SLC35F4: variants seen among roughly 807,000 people sequenced by gnomAD.
SLC35F4 encodes the protein chromosome 14 open reading frame 36.
In SLC35F4, 24 loss-of-function variants were observed where a neutral mutation model predicts 44.2. The observed-to-expected ratio is 0.54, with a 90% CI of 0.39 to 0.76. The LOEUF (loss-of-function observed/expected upper bound fraction) is 0.76, where lower values mean the gene tolerates loss of function less well. Among genes scored for constraint, SLC35F4 ranks in the 30% least tolerant of loss-of-function variants. The pLI is 0.00. For synonymous variants in SLC35F4, 238 were observed against 223.6 expected (o/e 1.06, Z -0.57); for missense variants, 562 against 586.1 (o/e 0.96, Z 0.42).
chr14:57,842,461 C>T (rs370284177), intron 1 of SLC35F4, among the ~76,000 whole-genome samples: 1 of 152,236 alleles, frequency 6.6e-6, no homozygotes, highest in Non-Finnish European at 1.5e-5. Context: ...AATGATGGGA[C>T]GCCTTGCTCT....
intron 1 of SLC35F4, among the ~76,000 whole-genome samples, chr14:57,651,170 A>G (rs2073769979): frequency 6.6e-6 from 1 of 152,194 alleles, no homozygotes. Flanking sequence ...GTTCACTACT[A>G]GATTGGGACC....
intron 1 of SLC35F4, among the ~76,000 whole-genome samples, chr14:57,739,443 C>T (rs1274941458): frequency 6.6e-6 from 1 of 152,186 alleles, no homozygotes; most frequent in East Asian, 1.9e-4. Flanking sequence ...ATTACTTGTT[C>T]TTAACTACAG....
At chr14:57,816,583 A>G (rs1279679759) in intron 1 of SLC35F4, among the ~76,000 whole-genome samples, 2 of 152,252 alleles carry the variant, frequency 1.3e-5, no homozygotes. Context: ...TAGTAACAAC[A>G]AAAGGTACAA....
intron 1 of SLC35F4, among the ~76,000 whole-genome samples, chr14:57,659,668 T>C (rs1333118250): frequency 6.6e-6 from 1 of 152,190 alleles, no homozygotes; most frequent in Non-Finnish European, 1.5e-5. Flanking sequence ...CCCATGTTTT[T>C]AATTACTACC....
intron 3 of SLC35F4, among the ~76,000 whole-genome samples, chr14:57,586,526 G>C (rs1187547052): frequency 6.6e-6 from 1 of 151,642 alleles, no homozygotes; most frequent in Non-Finnish European, 1.5e-5. Flanking sequence ...GACCATCCTG[G>C]CTAACACAGT....
chr14:57,908,219 A>T (rs1243461193), intron 1 of SLC35F4, among the ~76,000 whole-genome samples: 1 of 152,100 alleles, frequency 6.6e-6, no homozygotes, highest in African/African-American at 2.4e-5. Flanking sequence ...TGATTCCATG[A>T]CTTTTCTATT....
chr14:57,631,406 T>C (rs2072764997), intron 1 of SLC35F4, among the ~76,000 whole-genome samples: 1 of 152,106 alleles, frequency 6.6e-6, no homozygotes, highest in African/African-American at 2.4e-5. Context: ...ATATAGTTAT[T>C]ATAAAGTTTA....
rs994164225 is a variant in SLC35F4, at chr14:57,750,729, G to A, written c.103+114994C>T. Among the ~76,000 whole-genome samples, 5 of 146,744 alleles carry A rather than the reference G, an allele frequency of 3.4e-5. No individual in the cohort carries two copies. The East Asian group carries it at 1.0e-3, about 29-fold the overall frequency. ...GGCCTGCTTTTTAATGGAATTATTTGGGTTTGTTGTTGTTGTTGTTGTTGC... is the reference window on the plus strand; with the variant it reads ...GGCCTGCTTTTTAATGGAATTATTTAGGTTTGTTGTTGTTGTTGTTGTTGC... On this transcript the variant is annotated intron_variant, in intron 1 of 7. Coordinates refer to ENST00000556826, the MANE Select transcript of SLC35F4 (RefSeq NM_001306087.2).
chr14:57,898,380 G>T (rs1043242818), intron 1 of SLC35F4, among the ~76,000 whole-genome samples: 1 of 152,286 alleles, frequency 6.6e-6, no homozygotes, highest in East Asian at 1.9e-4. Context: ...GACATACAAC[G>T]ATTTTCTGTC....
At chr14:57,915,872 T>C (rs1889318649) in intron 1 of SLC35F4, among the ~76,000 whole-genome samples, 1 of 152,228 alleles carries the variant, frequency 6.6e-6, no homozygotes, top group African/African-American at 2.4e-5. Flanking sequence ...GATCTGTTCA[T>C]GGCAATACAG....
At chr14:57,571,783 T>A (rs1355103211) in intron 5 of SLC35F4, 111 bp downstream of exon 5, 1 of 1,392,276 alleles carries the variant, frequency 7.2e-7, no homozygotes, top group Admixed American at 2.9e-5. Context: ...TACTATTATT[T>A]CAACACATCT....
chr14:57,572,846 A>C (rs2068584254), intron 4 of SLC35F4, among the ~76,000 whole-genome samples: 1 of 152,224 alleles, frequency 6.6e-6, no homozygotes, highest in Non-Finnish European at 1.5e-5. Context: ...ATCTTGAACT[A>C]GTTCTACTGG....
chr14:57,573,962 T>C (rs1213503795), intron 4 of SLC35F4, among the ~76,000 whole-genome samples: 2 of 152,234 alleles, frequency 1.3e-5, no homozygotes, highest in Non-Finnish European at 2.9e-5. Context: ...TGTGCTATTT[T>C]ATATTTTAAA....
intron 1 of SLC35F4, among the ~76,000 whole-genome samples, chr14:57,848,564 C>A (rs7144436): frequency 0.3 from 45,188 of 151,994 alleles, 8,780 homozygotes; most frequent in East Asian, 0.71. Flanking sequence ...GTAGAGTCAT[C>A]ATAGACAAGC....
intron 1 of SLC35F4, among the ~76,000 whole-genome samples, chr14:57,635,341 G>A (rs2072974143): frequency 1.3e-5 from 2 of 152,018 alleles, no homozygotes; most frequent in African/African-American, 2.4e-5. Context: ...CTGCGAGAGA[G>A]AGGAGTACTC....
intron 1 of SLC35F4, among the ~76,000 whole-genome samples, chr14:57,861,314 C>T (rs1375976359): frequency 6.6e-6 from 1 of 152,180 alleles, no homozygotes; most frequent in Non-Finnish European, 1.5e-5. Flanking sequence ...CCCCACACAC[C>T]TTACCCTATA....
At chr14:57,648,707 CG>C (rs899817297) in intron 1 of SLC35F4, among the ~76,000 whole-genome samples, 7 of 152,080 alleles carry the variant, frequency 4.6e-5, no homozygotes. Flanking sequence ...GTGTACAAAG[CG>C]TATTTGTTTC....
chr14:57,798,653 T>C (rs2078112109), intron 1 of SLC35F4, among the ~76,000 whole-genome samples: 1 of 152,210 alleles, frequency 6.6e-6, no homozygotes, highest in African/African-American at 2.4e-5. Flanking sequence ...GCATTTCTCC[T>C]AGGATCCAGA....
intron 4 of SLC35F4, among the ~76,000 whole-genome samples, chr14:57,574,568 G>A (rs1373715304): frequency 6.6e-6 from 1 of 151,960 alleles, no homozygotes; most frequent in Non-Finnish European, 1.5e-5. Flanking sequence ...GGGTATAGTG[G>A]GAATAGATAA....
Sources: allele counts gnomAD v4.1 joint callset (sites outside exome capture counted in the v4.1 genomes callset), GRCh38; gene constraint gnomAD v4.1.1; transcripts MANE v1.5; gene names NCBI Gene and HGNC (gene_info 2026-07-23, HGNC 2026-07-21).